Variants in GSG1L2 observed in about 807,000 individuals in gnomAD.
GSG1L2 encodes the protein germ cell-specific gene 1-like protein 2.
GSG1L2 carries 15 observed loss-of-function variants against 9.0 expected under a neutral mutation model. The observed-to-expected ratio is 1.67, with a 90% confidence interval of 1.12 to 2.57. GSG1L2 has a LOEUF of 2.57. Among genes scored for constraint, GSG1L2 ranks in the 30% most tolerant of loss-of-function variants. The pLI is 0.00. For missense variants in GSG1L2, 286 were observed against 150.3 expected (o/e 1.90, Z -4.72); for synonymous variants, 127 against 57.9 (o/e 2.19, Z -5.41).
At chr17:9,810,953 G>A in intron 1 of GSG1L2, 1 of 345,982 alleles carries the variant, frequency 2.9e-6, no homozygotes, top group South Asian at 4.5e-5. Flanking sequence ...ATCAGCCTGG[G>A]TCCCTGAATA....
At chr17:9,812,586 T>C (rs9914507) in intron 1 of GSG1L2, among the ~76,000 whole-genome samples, 9,716 of 152,102 alleles carry the variant, frequency 0.064, 1,044 homozygotes, top group African/African-American at 0.22. Flanking sequence ...CATGGTGGGG[T>C]TCTGGTGAGG....
intron 4 of GSG1L2, among the ~76,000 whole-genome samples, chr17:9,806,435 T>C (rs2066516483): frequency 6.6e-6 from 1 of 152,270 alleles, no homozygotes; most frequent in South Asian, 2.1e-4. Flanking sequence ...GATAGATTGT[T>C]ACGCTTAGTA....
At chr17:9,803,562 T>C (rs986551964) in intron 4 of GSG1L2, among the ~76,000 whole-genome samples, 5 of 152,172 alleles carry the variant, frequency 3.3e-5, no homozygotes, top group African/African-American at 1.2e-4. Context: ...TGCATTATTA[T>C]GAGATAAAGA....
intron 1 of GSG1L2, among the ~76,000 whole-genome samples, chr17:9,814,950 A>C (rs2066553845): frequency 6.6e-6 from 1 of 152,210 alleles, no homozygotes; most frequent in African/African-American, 2.4e-5. Context: ...GGAAAAGAAC[A>C]TTTCGCGTAA....
rs900885451 is a variant in GSG1L2 at position 9,820,134 on chromosome 17, C to A, written c.310+1628G>T. On this transcript the variant is annotated intron_variant, in intron 1 of 4. Coordinates refer to ENST00000399363, the MANE Select transcript of GSG1L2 (RefSeq NM_001310219.2). This position sits in a 1 kb window ranked among gnomAD's most constrained non-coding sequence, Gnocchi z 4.9. ...AAATAAAATAAAATAAGAATACAGACCTCTAGACTCCACCCCGGCTCTCTT... is the reference window on the plus strand; with the variant it reads ...AAATAAAATAAAATAAGAATACAGAACTCTAGACTCCACCCCGGCTCTCTT... Among the ~76,000 whole-genome samples the A allele has an allele frequency of 1.3e-5, 2 of 151,986 alleles. No homozygotes were observed. The highest frequency in any genetic ancestry group is 4.8e-5 in the African/African-American group (2 of 41,376).
intron 4 of GSG1L2, among the ~76,000 whole-genome samples, chr17:9,806,010 G>A (rs1329372956): frequency 6.6e-6 from 1 of 152,150 alleles, no homozygotes; most frequent in African/African-American, 2.4e-5. Flanking sequence ...TCCTTCAGCT[G>A]ATCCTGTGCA....
At chr17:9,815,446 C>A (rs1339197437) in intron 1 of GSG1L2, among the ~76,000 whole-genome samples, 2 of 152,240 alleles carry the variant, frequency 1.3e-5, no homozygotes, top group East Asian at 3.9e-4. Context: ...TTCCACCAAA[C>A]AATAGTCTTA....
At chr17:9,819,078 C>G (rs539962924) in intron 1 of GSG1L2, among the ~76,000 whole-genome samples, 7 of 152,148 alleles carry the variant, frequency 4.6e-5, no homozygotes, top group Non-Finnish European at 7.3e-5. Context: ...CAGACTCTAG[C>G]GTCTGTCATA....
intron 1 of GSG1L2, among the ~76,000 whole-genome samples, chr17:9,812,611 G>A (rs1329730252): frequency 6.6e-6 from 1 of 152,106 alleles, no homozygotes; most frequent in African/African-American, 2.4e-5. Flanking sequence ...TCTTCCAGGT[G>A]CAGAGAGCTT....
At chr17:9,817,059 G>A (rs1567711646) in intron 1 of GSG1L2, among the ~76,000 whole-genome samples, 1 of 149,998 alleles carries the variant, frequency 6.7e-6, no homozygotes, top group Non-Finnish European at 1.5e-5. Flanking sequence ...CTGAGAAGAT[G>A]CCACCACCAC....
rs553755597 is a variant in GSG1L2, at chr17:9,801,513, C to T, written c.*873G>A. Among the ~76,000 whole-genome samples, 1 of 152,086 alleles carries T rather than the reference C, an allele frequency of 6.6e-6. No homozygotes were observed. Among genetic ancestry groups the T allele is most frequent in the Admixed American group, 6.6e-5 (1 of 15,260 alleles). On this transcript the variant is annotated 3_prime_UTR_variant, in exon 5 of 5. Coordinates refer to ENST00000399363, the MANE Select transcript of GSG1L2 (RefSeq NM_001310219.2). ...TTACAGGCGTGAGCCACTACACCCA[C>T]CCCCTTTCTTTTTTCAAAAAATCAA...
chr17:9,811,680 T>C (rs1427421306), intron 1 of GSG1L2, among the ~76,000 whole-genome samples: 1 of 152,122 alleles, frequency 6.6e-6, no homozygotes, highest in South Asian at 2.1e-4. Context: ...TGGGAAATCA[T>C]CTGGTTCATC....
In GSG1L2 at chr17:9,801,702, G is replaced by A. The variant is rs1363270378; in HGVS notation, c.*684C>T. Among the ~76,000 whole-genome samples the A allele has an allele frequency of 6.6e-6, 1 of 152,158 alleles. No individual in the cohort carries two copies. On this transcript the variant is annotated 3_prime_UTR_variant, in exon 5 of 5. Transcript: ENST00000399363. ...TTATTTTTAGAAGCAAAAGTGGCTG[G>A]CGATTTAATTTAAGCAGAACAACTC...
chr17:9,809,417 G>C (rs546690267), intron 2 of GSG1L2: 21 of 191,912 alleles, frequency 1.1e-4, no homozygotes, highest in African/African-American at 4.9e-4. Context: ...GTGAGCGGTA[G>C]CAAGGTTTAT....
At chr17:9,807,723 T>C (rs977478337) in intron 3 of GSG1L2, 122 bp from the exon 4 acceptor site, 6 of 652,740 alleles carry the variant, frequency 9.2e-6, no homozygotes, top group Middle Eastern at 3.9e-4. Context: ...TGTATCTGCA[T>C]GTATTCATCC....
At chr17:9,804,608 G>A (rs975587646) in intron 4 of GSG1L2, 2 of 152,194 alleles carry the variant, frequency 1.3e-5, no homozygotes, top group Non-Finnish European at 2.9e-5. Context: ...CTGACAGGTT[G>A]TGGAAAGAAC....
At position 9,802,199 on chromosome 17, in the gene GSG1L2, G is replaced by C. The variant is rs1284006059; in HGVS notation, c.*187C>G. 1.3e-5 allele frequency among the ~76,000 whole-genome samples: 2 copies of C among 152,190 alleles called. No individual in the cohort carries two copies. Among genetic ancestry groups the C allele is most frequent in the African/African-American group, 2.4e-5 (1 of 41,444 alleles). ...AAGCATTATCTCACTTCAAGGTACT[G>C]GCATTTTAACAGGAATCAAAGGCTA... On this transcript the variant is annotated 3_prime_UTR_variant, in exon 5 of 5. Coordinates refer to ENST00000399363, the MANE Select transcript of GSG1L2 (RefSeq NM_001310219.2).
In GSG1L2 at chr17:9,816,471, CGTGTCTGTGTGTGTGCAT is replaced by C. The variant is rs1567711225; in HGVS notation, c.310+5273_310+5290del. On this transcript the variant is annotated intron_variant, in intron 1 of 4. Transcript: ENST00000399363. ...GTGTGTCTGTGTGTGCGTCCGTGTG[CGTGTCTGTGTGTGTGCAT>C]GTGTCTGTGTGTGCCTGTCTGTGTG... Among the ~76,000 whole-genome samples the C allele has an allele frequency of 8.0e-3, 573 of 71,892 alleles. 2 individuals carry two copies. Among genetic ancestry groups the C allele is most frequent in the African/African-American group, 0.03 (528 of 17,414 alleles). 47.2% of individuals were successfully genotyped at this position (71,892 alleles called of 152,430 possible).
chr17:9,816,914 G>GTGTGTGTATC (rs1567711590), intron 1 of GSG1L2, among the ~76,000 whole-genome samples: 2 of 44,314 alleles, frequency 4.5e-5, no homozygotes, highest in African/African-American at 1.7e-4. Flanking sequence ...GTGTATCTGT[G>GTGTGTGTATC]TGTGTGTGTG....
Sources: gnomAD v4.1 joint callset for allele counts (sites outside exome capture counted in the v4.1 genomes callset) on GRCh38, gnomAD v4.1.1 for gene constraint, Gnocchi (gnomAD v3.1) non-coding constraint, MANE v1.5 for transcripts, NCBI Gene and HGNC (gene_info 2026-07-23, HGNC 2026-07-21) for gene names.